Variants in LSM3 observed in about 807,000 individuals in gnomAD.
The protein encoded by LSM3 is LSM3 homolog, U6 small nuclear RNA and mRNA degradation associated.
In LSM3, 14 loss-of-function variants were observed where a neutral mutation model predicts 15.4. The ratio of observed to expected loss-of-function variants is 0.91; its 90% CI spans 0.60 to 1.42. The LOEUF is 1.42. Among genes scored for constraint, LSM3 ranks in the 40% most tolerant of loss-of-function variants. The pLI, the probability that LSM3 is intolerant of heterozygous loss-of-function variation, is 0.00. For missense variants in LSM3, 88 were observed against 127.9 expected, an observed-to-expected ratio of 0.69 and a Z score of 1.50; for synonymous variants, 46 against 45.1, an observed-to-expected ratio of 1.02 and a Z score of -0.08.
rs1340674634 is a variant in LSM3, at chr3:14,200,092, T to G, written c.*1976T>G. On this transcript the variant is annotated 3_prime_UTR_variant, in exon 4 of 4. Coordinates refer to ENST00000306024, the MANE Select transcript of LSM3 (RefSeq NM_014463.3). ...GAACTGATAGTTTACACTAAAACTT[T>G]TGGCTGTGAGGACTTGATTATACAC... The G allele has an allele frequency of 6.6e-6, 1 of 152,276 alleles. No individual in the cohort carries two copies. Among genetic ancestry groups the G allele is most frequent in the African/African-American group, 2.4e-5 (1 of 41,470 alleles). 9.4% of individuals were successfully genotyped at this position (152,276 alleles called of 1,614,324 possible). A position where few individuals can be genotyped will look rare whatever the true frequency, so the allele number is the denominator to read the frequency against.
chr3:14,186,768 G>A (rs1351008173), intron 3 of LSM3, among the ~76,000 whole-genome samples: 1 of 152,036 alleles, frequency 6.6e-6, no homozygotes, highest in Non-Finnish European at 1.5e-5. Flanking sequence ...GTACTAAGAT[G>A]CACTTTTTCT....
chr3:14,178,917 T>C (rs757983650), intron 1 of LSM3, 36 bp downstream of exon 1: 2 of 1,612,624 alleles, frequency 1.2e-6, no homozygotes, highest in Non-Finnish European at 1.7e-6. Flanking sequence ...CGAAGGAGCT[T>C]CTTGTACTAG....
intron 2 of LSM3, among the ~76,000 whole-genome samples, chr3:14,182,568 T>C (rs1159619056): frequency 6.6e-6 from 1 of 152,248 alleles, no homozygotes; most frequent in Admixed American, 6.5e-5. Flanking sequence ...CATTTGTTCA[T>C]AGAGAACCCT....
intron 1 of LSM3, among the ~76,000 whole-genome samples, chr3:14,179,692 C>T (rs1297274521): frequency 2.0e-5 from 3 of 152,088 alleles, no homozygotes. Flanking sequence ...TTGTTTTGTT[C>T]ATTCTTTTGT....
At chr3:14,191,897 T>A (rs1288171899) in intron 3 of LSM3, among the ~76,000 whole-genome samples, 2 of 152,212 alleles carry the variant, frequency 1.3e-5, no homozygotes, top group Non-Finnish European at 2.9e-5. Context: ...AGATCTTTCC[T>A]GCTTTCTCTT....
intron 3 of LSM3, among the ~76,000 whole-genome samples, chr3:14,191,693 C>G (rs566518714): frequency 6.6e-6 from 1 of 152,122 alleles, no homozygotes; most frequent in South Asian, 2.1e-4. Context: ...ATTAGTCTGG[C>G]TAGCAGTCTA....
chr3:14,192,922 TC>T (rs532706103), intron 3 of LSM3, among the ~76,000 whole-genome samples: 209 of 152,386 alleles, frequency 1.4e-3, no homozygotes, highest in South Asian at 7.0e-3. Flanking sequence ...TATTGGTTGT[TC>T]CTTTCCATGT....
chr3:14,185,925 T>C (rs935225949), intron 3 of LSM3, among the ~76,000 whole-genome samples: 1 of 152,228 alleles, frequency 6.6e-6, no homozygotes, highest in Non-Finnish European at 1.5e-5. Context: ...AGGTCTTTTT[T>C]TTTTTTTAAA....
intron 1 of LSM3, 35 bp from the exon 2 acceptor site, chr3:14,181,525 T>C (rs1166953651): frequency 7.4e-7 from 1 of 1,344,636 alleles, no homozygotes; most frequent in Non-Finnish European, 1.1e-6. Context: ...ACTCTGACTC[T>C]AGTACTACAT....
At chr3:14,183,356 A>G (rs1697057791) in intron 2 of LSM3, among the ~76,000 whole-genome samples, 1 of 152,230 alleles carries the variant, frequency 6.6e-6, no homozygotes, top group South Asian at 2.1e-4. Flanking sequence ...TAGCTGTAAC[A>G]TTTATTGATT....
intron 1 of LSM3, among the ~76,000 whole-genome samples, chr3:14,180,106 C>A (rs1044085392): frequency 1.3e-5 from 2 of 152,158 alleles, no homozygotes; most frequent in Non-Finnish European, 2.9e-5. Context: ...CCTTCCTCCA[C>A]TGGCCTTGTG....
intron 1 of LSM3, among the ~76,000 whole-genome samples, chr3:14,179,562 C>T (rs1050456523): frequency 1.3e-5 from 2 of 152,204 alleles, no homozygotes; most frequent in Non-Finnish European, 2.9e-5. Flanking sequence ...ACTCCCGCTA[C>T]TCTGGTTACC....
intron 3 of LSM3, among the ~76,000 whole-genome samples, chr3:14,189,641 A>G (rs1697120750): frequency 6.6e-6 from 1 of 151,448 alleles, no homozygotes; most frequent in Non-Finnish European, 1.5e-5. Context: ...CCATTTTTTG[A>G]TGGGGTTGTT....
At chr3:14,182,090 C>G (rs964712706) in intron 2 of LSM3, among the ~76,000 whole-genome samples, 5 of 152,164 alleles carry the variant, frequency 3.3e-5, no homozygotes, top group African/African-American at 1.2e-4. Flanking sequence ...TGCAGTGGCT[C>G]ATTCCTGTAA....
At chr3:14,188,153 A>T (rs1242488515) in intron 3 of LSM3, among the ~76,000 whole-genome samples, 1 of 152,228 alleles carries the variant, frequency 6.6e-6, no homozygotes, top group Admixed American at 6.5e-5. Context: ...TGCTGTCATT[A>T]CAGGAGCTAT....
intron 3 of LSM3, among the ~76,000 whole-genome samples, chr3:14,188,591 T>C (rs1697111839): frequency 6.6e-6 from 1 of 152,196 alleles, no homozygotes. Flanking sequence ...TCTTTATGCA[T>C]ATGCTAATGA....
rs768513623 is a variant in LSM3, at chr3:14,178,881, G to A, written c.21G>A (p.Gln7=). ...GAAACATGGCGGACGACGTAGACCA[G>A]GTAAGTGTATTTTAAGGAGGTCGCT... is the stretch of plus-strand genomic sequence containing the variant. MADDVD[Q]QQTTNTVEEP... The change falls in exon 1 of 4, where the codon CAG becomes CAA. Residue 7 remains glutamine, a splice_region_variant and synonymous_variant. Coordinates refer to ENST00000306024, the MANE Select transcript of LSM3 (RefSeq NM_014463.3). 1 of 1,614,214 alleles carries A rather than the reference G, an allele frequency of 6.2e-7. No homozygotes were observed. Among genetic ancestry groups the A allele is most frequent in the Non-Finnish European group, 8.5e-7 (1 of 1,180,046 alleles).
intron 1 of LSM3, among the ~76,000 whole-genome samples, chr3:14,181,103 C>A (rs1193478416): frequency 6.6e-6 from 1 of 152,132 alleles, no homozygotes; most frequent in Admixed American, 6.5e-5. Context: ...TCAACCTGTG[C>A]TGAATTCATA....
chr3:14,184,303 T>A (rs1196282378), intron 3 of LSM3, among the ~76,000 whole-genome samples: 8 of 152,152 alleles, frequency 5.3e-5, no homozygotes, highest in Admixed American at 5.2e-4. Context: ...CCTCATAGGG[T>A]TCCCAGATTC....
Sources: gnomAD v4.1 joint callset for allele counts (sites outside exome capture counted in the v4.1 genomes callset) on GRCh38, gnomAD v4.1.1 for gene constraint, MANE v1.5 for transcripts, NCBI Gene and HGNC (gene_info 2026-07-23, HGNC 2026-07-21) for gene names.